CRTC1: variants seen among roughly 807,000 people sequenced by gnomAD.
CRTC1 encodes CREB regulated transcription coactivator 1, also known as CREB-regulated transcription coactivator 1.
A neutral mutation model predicts 66.1 loss-of-function variants in CRTC1; 18 were observed. The observed-to-expected ratio is 0.27, with a 90% CI of 0.19 to 0.40. CRTC1 has a LOEUF of 0.40. Ranked by LOEUF, CRTC1 falls within the 10% of genes least tolerant of loss-of-function variation. The probability of loss-of-function intolerance (pLI) is 1.00; values close to 1 mark genes in which losing one functional copy is unlikely to be tolerated. For missense variants in CRTC1, 669 were observed against 887.9 expected (o/e 0.75, Z 3.13); for synonymous variants, 416 against 398.8 (o/e 1.04, Z -0.51).
At position 18,778,504 on chromosome 19, in the gene CRTC1, TATCTC is replaced by T. The variant is rs1418758248; in HGVS notation, c.*1124_*1128del. The T allele has an allele frequency of 3.9e-5, 9 of 231,686 alleles. No individual in the cohort carries two copies. In the East Asian group the frequency reaches 5.5e-4, roughly 14 times the overall value. 14.4% of individuals were successfully genotyped at this position (231,686 alleles called of 1,614,324 possible). A position where few individuals can be genotyped will look rare whatever the true frequency, so the allele number is the denominator to read the frequency against. ...CCGGCTTTTGGGTTTCACCCCAAGTTATCTCAAAACAAAAGGGCTGGTCAGGCTGG... is the reference window on the plus strand; with the variant it reads ...CCGGCTTTTGGGTTTCACCCCAAGTTAAAACAAAAGGGCTGGTCAGGCTGG... On this transcript the variant is annotated 3_prime_UTR_variant, in exon 14 of 14. Transcript: ENST00000321949.
chr19:18,759,933 CCCGCCAGCCCCCTGTCCCCG>C (rs1384630526), intron 7 of CRTC1, 55 bp from the exon 8 acceptor site: 9 of 991,316 alleles, frequency 9.1e-6, no homozygotes, highest in Admixed American at 5.2e-5. Context: ...CTGATTTTCT[CCCGCCAGCCCCCTGTCCCCG>C]CCGCCAGCCC....
At chr19:18,701,160 G>A (rs2053128197) in intron 1 of CRTC1, among the ~76,000 whole-genome samples, 1 of 152,250 alleles carries the variant, frequency 6.6e-6, no homozygotes. Context: ...GGCAGAAGGA[G>A]GAGCCTGAAG....
At chr19:18,769,986 G>T (rs1278571903) in intron 10 of CRTC1, among the ~76,000 whole-genome samples, 1 of 152,034 alleles carries the variant, frequency 6.6e-6, no homozygotes, top group African/African-American at 2.4e-5. Context: ...CATCACCCAC[G>T]CAGGCGAGCT....
Position 18,760,746 on chromosome 19 carries a change from C to G in CRTC1, c.886+518C>G, listed in dbSNP as rs1379207808. On this transcript the variant is annotated intron_variant, in intron 8 of 13. Coordinates refer to ENST00000321949, the MANE Select transcript of CRTC1 (RefSeq NM_015321.3). The surrounding 1 kb of genome is among the most constrained non-coding windows in gnomAD (Gnocchi z 6.2). ...GGCCCCTCGCCCGTCCCAATAGCTC[C>G]TGGCGCTGCTGCCGCCCTGCTCCCC... 6.6e-6 allele frequency among the ~76,000 whole-genome samples: 1 copy of G among 152,118 alleles called. No homozygotes were observed. The highest frequency in any genetic ancestry group is 1.5e-5 in the Non-Finnish European group (1 of 67,998).
At position 18,733,947 on chromosome 19, in the gene CRTC1, A is replaced by G. The variant is rs908703576; in HGVS notation, c.127-8963A>G. 5.9e-5 allele frequency among the ~76,000 whole-genome samples: 9 copies of G among 152,228 alleles called. No homozygotes were observed. In the East Asian group the frequency reaches 1.7e-3, roughly 29 times the overall value. On this transcript the variant is annotated intron_variant, in intron 1 of 13. Transcript: ENST00000321949. ...AACATGGTGAAACCCCATCTCTACT[A>G]AAAATACAAAAATTCGCCGGGCATG... is the stretch of plus-strand genomic sequence containing the variant.
intron 1 of CRTC1, among the ~76,000 whole-genome samples, chr19:18,711,863 C>G (rs1310665378): frequency 6.6e-6 from 1 of 152,196 alleles, no homozygotes; most frequent in Non-Finnish European, 1.5e-5. Context: ...TCCACCCACC[C>G]CCACACTGCC....
At chr19:18,757,287 C>G (rs1030279710) in intron 6 of CRTC1, among the ~76,000 whole-genome samples, 1 of 152,134 alleles carries the variant, frequency 6.6e-6, no homozygotes, top group Non-Finnish European at 1.5e-5. Flanking sequence ...GGGCCCCTAC[C>G]TGGAGCCTGT....
At chr19:18,731,392 G>T (rs2053884892) in intron 1 of CRTC1, among the ~76,000 whole-genome samples, 1 of 152,100 alleles carries the variant, frequency 6.6e-6, no homozygotes, top group South Asian at 2.1e-4. Flanking sequence ...TTGCCGCTTG[G>T]CCCACTTTCC....
At chr19:18,757,422 C>T (rs1231978959) in intron 6 of CRTC1, among the ~76,000 whole-genome samples, 6 of 152,204 alleles carry the variant, frequency 3.9e-5, no homozygotes, top group East Asian at 1.9e-4. Context: ...GCCAACTCAC[C>T]GGCCTCTGTC....
chr19:18,765,226 C>T (rs567276400), intron 8 of CRTC1, among the ~76,000 whole-genome samples, 178 bp from the exon 9 acceptor site: 17 of 152,294 alleles, frequency 1.1e-4, no homozygotes, highest in African/African-American at 3.8e-4. Context: ...CTGTGGGACC[C>T]TCGGGTCAGG....
At chr19:18,754,498 GC>G in intron 6 of CRTC1, among the ~76,000 whole-genome samples, 1 of 152,172 alleles carries the variant, frequency 6.6e-6, no homozygotes, top group Non-Finnish European at 1.5e-5. Context: ...GGACAATAGA[GC>G]AAGACCCCTT....
At chr19:18,743,164 C>T in intron 2 of CRTC1, 138 bp downstream of exon 2, 3 of 711,940 alleles carry the variant, frequency 4.2e-6, no homozygotes, top group African/African-American at 3.5e-5. Context: ...TCCTTGTCTG[C>T]CCTGGGAACC....
At position 18,775,740 on chromosome 19, in the gene CRTC1, A is replaced by C. The variant is rs1376031169; in HGVS notation, c.1612A>C (p.Thr538Pro). ...NYSQAAMMGLTGSHGSLPDSQ... is the reference protein window; with the variant it reads ...NYSQAAMMGLPGSHGSLPDSQ... The stretch of plus-strand genomic sequence containing the variant: ...CTCGCAGGCGGCCATGATGGGCCTC[A>C]CGGGCAGCCACGGGAGCCTGCCGGA... The change falls in exon 13 of 14, where the codon ACG (threonine) becomes CCG (proline). Residue 538 changes from threonine (T) to proline (P), a missense_variant. Thr to Pro is a conservative substitution (Grantham distance 38). Around this residue, in one of 8 missense-constraint regions of CRTC1, gnomAD observed 79 missense variants for 100.1 expected, o/e 0.79. Coordinates refer to ENST00000321949, the MANE Select transcript of CRTC1 (RefSeq NM_015321.3). 6.2e-7 allele frequency: 1 copy of C among 1,612,388 alleles called. No individual in the cohort carries two copies.
intron 1 of CRTC1, among the ~76,000 whole-genome samples, chr19:18,732,487 T>C (rs1309447939): frequency 1.3e-5 from 2 of 152,232 alleles, no homozygotes; most frequent in South Asian, 2.1e-4. Context: ...GAGGAAGACA[T>C]TTCTGTCATT....
intron 8 of CRTC1, among the ~76,000 whole-genome samples, chr19:18,761,309 G>C (rs534718506): frequency 9.2e-5 from 14 of 152,302 alleles, no homozygotes; most frequent in African/African-American, 3.1e-4. Flanking sequence ...CCTGCATCCC[G>C]GGGGTGGCAG....
At chr19:18,738,207 C>T (rs1471366728) in intron 1 of CRTC1, among the ~76,000 whole-genome samples, 2 of 152,142 alleles carry the variant, frequency 1.3e-5, no homozygotes, top group African/African-American at 4.8e-5. Flanking sequence ...GCCCCAGATA[C>T]TCAGGAGGCC....
intron 6 of CRTC1, among the ~76,000 whole-genome samples, chr19:18,754,442 G>A (rs1431438476): frequency 6.6e-6 from 1 of 152,130 alleles, no homozygotes; most frequent in African/African-American, 2.4e-5. Context: ...GAGCCCAGGA[G>A]GTCAAGACTG....
chr19:18,716,098 T>G (rs1159140393), intron 1 of CRTC1, among the ~76,000 whole-genome samples: 2 of 152,112 alleles, frequency 1.3e-5, no homozygotes, highest in East Asian at 1.9e-4. Flanking sequence ...ACTGGTGGCA[T>G]GTGCCCCCCG....
chr19:18,719,653 G>T (rs2053578865), intron 1 of CRTC1, among the ~76,000 whole-genome samples: 1 of 152,196 alleles, frequency 6.6e-6, no homozygotes, highest in African/African-American at 2.4e-5. Context: ...CCCCAAGCAA[G>T]CCCTGTGTCA....
Sources: allele counts gnomAD v4.1 joint callset (sites outside exome capture counted in the v4.1 genomes callset), GRCh38; gene constraint gnomAD v4.1.1; regional missense constraint gnomAD v4.1.1; non-coding constraint Gnocchi (gnomAD v3.1); transcripts MANE v1.5; gene names NCBI Gene and HGNC (gene_info 2026-07-23, HGNC 2026-07-21).